HIVEP2: variants seen among roughly 807,000 people sequenced by gnomAD.
The protein encoded by HIVEP2 is HIVEP zinc finger 2.
Under a neutral mutation model 180.7 loss-of-function variants are expected in HIVEP2, and 14 were observed. That is an observed-to-expected ratio of 0.08 (90% CI 0.05 to 0.12). The LOEUF (loss-of-function observed/expected upper bound fraction) is 0.12. Among genes scored for constraint, HIVEP2 ranks in the 10% least tolerant of loss-of-function variants. The pLI is 1.00. For missense variants in HIVEP2, 2,579 were observed against 3,008.5 expected (o/e 0.86, Z 3.34); for synonymous variants, 1,184 against 1,136.4 (o/e 1.04, Z -0.84).
intron 2 of HIVEP2, among the ~76,000 whole-genome samples, chr6:142,798,784 C>A (rs970291088): frequency 2.6e-5 from 4 of 152,130 alleles, no homozygotes; most frequent in Non-Finnish European, 4.4e-5. Flanking sequence ...ATAACTAATT[C>A]TCCTAACATG....
Position 142,776,136 on chromosome 6 carries a change from G to T in HIVEP2, c.-388+11C>A, listed in dbSNP as rs557112232. 1.3e-5 allele frequency: 2 copies of T among 152,592 alleles called. No individual in the cohort carries two copies. The highest frequency in any genetic ancestry group is 1.3e-4 in the Admixed American group (2 of 15,288). The allele number at this position is 152,592 out of a possible 1,614,324, so 9.5% of individuals were successfully genotyped here. On this transcript the variant is annotated intron_variant, in intron 4 of 9. Coordinates refer to ENST00000367603, the MANE Select transcript of HIVEP2 (RefSeq NM_006734.4). The stretch of plus-strand genomic sequence containing the variant: ...CATATTTCTAGGACAGTTTAAAAAC[G>T]AAATGATTACCTGAACAGTTTAGAG...
chr6:142,840,468 C>T (rs1327028672), intron 1 of HIVEP2, among the ~76,000 whole-genome samples: 2 of 152,038 alleles, frequency 1.3e-5, no homozygotes. Context: ...TACCCAAACA[C>T]AATCTTTTCA....
Position 142,771,331 on chromosome 6 carries a change from C to A in HIVEP2, c.3408G>T (p.Gly1136=), listed in dbSNP as rs772146037. 2.1e-5 allele frequency: 34 copies of A among 1,613,036 alleles called. No individual in the cohort carries two copies. Among genetic ancestry groups the A allele is most frequent in the Non-Finnish European group, 2.9e-5 (34 of 1,180,006 alleles). Residue 1136 remains glycine, a synonymous_variant, in exon 5 of 10, where the codon GGG becomes GGT. Transcript: ENST00000367603. This position sits in a 1 kb window ranked among gnomAD's most constrained non-coding sequence, Gnocchi z 5.4. Reference sequence around the variant, plus strand: ...GGGGACAAGGACCCGCCACCTGCTTCCCTGGGTCCTCTTGCTGAAGAGGAG... The same window carrying A: ...GGGGACAAGGACCCGCCACCTGCTTACCTGGGTCCTCTTGCTGAAGAGGAG... ...VLPPLQQEDP[G]KQVAGPCPPL... is the part of the protein sequence containing the mutation.
chr6:142,819,999 G>A (rs746409789), intron 2 of HIVEP2, among the ~76,000 whole-genome samples: 13 of 152,122 alleles, frequency 8.5e-5, no homozygotes, highest in Non-Finnish European at 1.9e-4. Context: ...ATCAAGGAGA[G>A]GCGGCTGGAG....
intron 1 of HIVEP2, among the ~76,000 whole-genome samples, chr6:142,867,590 C>T (rs1378044933): frequency 6.6e-6 from 1 of 152,124 alleles, no homozygotes; most frequent in Non-Finnish European, 1.5e-5. Flanking sequence ...ATATATTACT[C>T]TACTTGTTTA....
At chr6:142,855,755 G>A (rs1350135605) in intron 1 of HIVEP2, among the ~76,000 whole-genome samples, 2 of 152,208 alleles carry the variant, frequency 1.3e-5, no homozygotes. Flanking sequence ...TTAAAAGGAA[G>A]AGTGTCAACG....
intron 2 of HIVEP2, among the ~76,000 whole-genome samples, chr6:142,833,917 G>A (rs1775158293): frequency 6.6e-6 from 1 of 151,958 alleles, no homozygotes; most frequent in African/African-American, 2.4e-5. Context: ...AAAATACAAG[G>A]AACCAAACAG....
At chr6:142,899,823 T>C (rs1474265810) in intron 1 of HIVEP2, among the ~76,000 whole-genome samples, 1 of 152,176 alleles carries the variant, frequency 6.6e-6, no homozygotes, top group Non-Finnish European at 1.5e-5. Flanking sequence ...AGGGGTTAAG[T>C]ACAGAGGTGA....
At chr6:142,821,271 T>A (rs867243581) in intron 2 of HIVEP2, among the ~76,000 whole-genome samples, 2,135 of 144,006 alleles carry the variant, frequency 0.015, 47 homozygotes, top group African/African-American at 0.05. Context: ...GGACTACATT[T>A]AAAAAAAAAA....
intron 9 of HIVEP2, among the ~76,000 whole-genome samples, chr6:142,756,683 CA>C (rs71550983): frequency 0.36 from 52,424 of 145,932 alleles, 9,747 homozygotes; most frequent in East Asian, 0.56. Context: ...ATTTATTTAT[CA>C]AAAAAAAAAA....
At position 142,771,377 on chromosome 6, in the gene HIVEP2, T is replaced by C. The variant is rs1205975100; in HGVS notation, c.3362A>G (p.His1121Arg). ...AGGAGGCAGCACAGCAGGCGGGCCA[T>C]GGTGCCACCCGGACCGGAGGCCAGC... ...LHAGLRSGWH[H>R]GPPAVLPPLQ... The change falls in exon 5 of 10, where the codon CAT becomes CGT. Residue 1121 changes from histidine to arginine, a missense_variant. His to Arg is a conservative substitution (Grantham distance 29, BLOSUM62 0). This residue lies in a region of HIVEP2 where 523 missense variants were observed against 577.0 expected (regional missense o/e 0.91). Coordinates refer to ENST00000367603, the MANE Select transcript of HIVEP2 (RefSeq NM_006734.4). The surrounding 1 kb of genome is among the most constrained non-coding windows in gnomAD (Gnocchi z 5.4). 3 of 1,612,894 alleles carry C rather than the reference T, an allele frequency of 1.9e-6. No individual in the cohort carries two copies. The highest frequency in any genetic ancestry group is 1.7e-5 in the Admixed American group (1 of 60,012).
At chr6:142,874,434 A>G (rs532127636) in intron 1 of HIVEP2, among the ~76,000 whole-genome samples, 3 of 152,144 alleles carry the variant, frequency 2.0e-5, no homozygotes, top group Admixed American at 2.0e-4. Context: ...CAGACCAAGC[A>G]TGATTATTGT....
intron 2 of HIVEP2, among the ~76,000 whole-genome samples, chr6:142,823,982 A>G (rs1447379594): frequency 6.6e-6 from 1 of 152,152 alleles, no homozygotes; most frequent in Non-Finnish European, 1.5e-5. Flanking sequence ...ATTTTGTAAG[A>G]AAAATCCTTT....
intron 1 of HIVEP2, among the ~76,000 whole-genome samples, chr6:142,926,592 C>A (rs1296759522): frequency 6.6e-6 from 1 of 152,226 alleles, no homozygotes; most frequent in African/African-American, 2.4e-5. Context: ...ACCATCAGGC[C>A]CCACTTCGGG....
At chr6:142,929,675 T>A (rs1777896254) in intron 1 of HIVEP2, among the ~76,000 whole-genome samples, 6 of 152,334 alleles carry the variant, frequency 3.9e-5, no homozygotes. Flanking sequence ...GATATATTAT[T>A]TCATACAATG....
rs145388249 is a variant in HIVEP2 at position 142,828,205 on chromosome 6, C to T, written c.-528+8730G>A. ...TAAGAGCTACTCTTGTCAGCGAGCT[C>T]CTCCTCCCTTAGCTTCCTTGAGACT... On this transcript the variant is annotated intron_variant, in intron 2 of 9. Coordinates refer to ENST00000367603, the MANE Select transcript of HIVEP2 (RefSeq NM_006734.4). Among the ~76,000 whole-genome samples, 126 of 152,296 alleles carry T rather than the reference C, an allele frequency of 8.3e-4. 1 individual carries two copies. Among genetic ancestry groups the T allele is most frequent in the African/African-American group, 2.8e-3 (116 of 41,560 alleles).
chr6:142,904,668 A>C (rs760074732), intron 1 of HIVEP2, among the ~76,000 whole-genome samples: 52 of 152,342 alleles, frequency 3.4e-4, no homozygotes, highest in Admixed American at 8.5e-4. Context: ...TCAAAAAAAG[A>C]TAAACAGCCC....
At chr6:142,840,461 C>T (rs1378405997) in intron 1 of HIVEP2, among the ~76,000 whole-genome samples, 1 of 151,918 alleles carries the variant, frequency 6.6e-6, no homozygotes, top group African/African-American at 2.4e-5. Flanking sequence ...ATCCCATTAC[C>T]CAAACACAAT....
intron 2 of HIVEP2, among the ~76,000 whole-genome samples, chr6:142,804,054 C>T (rs1355490878): frequency 6.6e-6 from 1 of 152,150 alleles, no homozygotes; most frequent in East Asian, 1.9e-4. Context: ...TCTACAATGA[C>T]ACAGTGCATC....
Sources: allele counts gnomAD v4.1 joint callset (sites outside exome capture counted in the v4.1 genomes callset), GRCh38; gene constraint gnomAD v4.1.1; regional missense constraint gnomAD v4.1.1; non-coding constraint Gnocchi (gnomAD v3.1); transcripts MANE v1.5; gene names NCBI Gene and HGNC (gene_info 2026-07-23, HGNC 2026-07-21).